The following CDK14 variants were observed in gnomAD, a reference collection of about 807,000 sequenced individuals.
The protein encoded by CDK14 is cyclin-dependent kinase 14.
A neutral mutation model predicts 60.7 loss-of-function variants in CDK14; 34 were observed. That is an observed-to-expected ratio of 0.56 (90% confidence interval 0.43 to 0.75). The LOEUF is 0.75. CDK14 is among the 30% of genes least tolerant of loss of function. The pLI is 0.00. For missense variants in CDK14, 482 were observed against 564.1 expected, an observed-to-expected ratio of 0.85 and a Z score of 1.47; for synonymous variants, 197 against 203.7, an observed-to-expected ratio of 0.97 and a Z score of 0.28.
intron 6 of CDK14, among the ~76,000 whole-genome samples, chr7:90,883,209 TAAA>T (rs993122341): frequency 6.6e-5 from 10 of 151,614 alleles, no homozygotes; most frequent in Admixed American, 6.6e-4. Context: ...GCTAGACTAA[TAAA>T]GAAGAAGAGG....
At chr7:90,796,700 C>G (rs1788449358) in intron 5 of CDK14, among the ~76,000 whole-genome samples, 1 of 152,038 alleles carries the variant, frequency 6.6e-6, no homozygotes, top group Admixed American at 6.6e-5. Flanking sequence ...TAGATTTCAA[C>G]AGGGTCATTA....
At chr7:91,196,960 C>T (rs950992855) in intron 14 of CDK14, among the ~76,000 whole-genome samples, 13 of 152,212 alleles carry the variant, frequency 8.5e-5, no homozygotes, top group African/African-American at 1.9e-4. Context: ...CATTTTAGTT[C>T]GTGTAATAAA....
At chr7:91,140,654 G>A (rs1800428218) in intron 14 of CDK14, among the ~76,000 whole-genome samples, 2 of 152,154 alleles carry the variant, frequency 1.3e-5, no homozygotes, top group African/African-American at 2.4e-5. Context: ...TGTGGCCTGG[G>A]CTGAGACTTA....
intron 10 of CDK14, among the ~76,000 whole-genome samples, chr7:90,997,787 C>T (rs962963051): frequency 3.9e-5 from 6 of 152,036 alleles, no homozygotes; most frequent in African/African-American, 1.2e-4. Context: ...GTGATATATG[C>T]ACATTTAATT....
At chr7:90,735,949 G>A (rs1379337261) in intron 3 of CDK14, among the ~76,000 whole-genome samples, 1 of 152,218 alleles carries the variant, frequency 6.6e-6, no homozygotes, top group Non-Finnish European at 1.5e-5. Flanking sequence ...CCAGGCCCTG[G>A]TGGCCTAGGC....
chr7:90,926,192 T>C (rs960809603), intron 8 of CDK14, among the ~76,000 whole-genome samples: 4 of 152,156 alleles, frequency 2.6e-5, no homozygotes, highest in Non-Finnish European at 4.4e-5. Context: ...GAGTGCTAAC[T>C]GGATGTTCAG....
intron 4 of CDK14, among the ~76,000 whole-genome samples, chr7:90,760,811 T>A (rs910216875): frequency 2.0e-5 from 3 of 152,216 alleles, no homozygotes; most frequent in Admixed American, 6.5e-5. Flanking sequence ...GTTCACAATA[T>A]GGGATTTTCC....
chr7:90,692,764 T>C (rs1276235041), intron 2 of CDK14: 1 of 620,234 alleles, frequency 1.6e-6, no homozygotes, highest in East Asian at 1.4e-4. Context: ...TTGTTATATT[T>C]GCTAAAATGG....
chr7:90,830,150 C>A (rs1789868327), intron 5 of CDK14, among the ~76,000 whole-genome samples: 1 of 152,170 alleles, frequency 6.6e-6, no homozygotes, highest in Admixed American at 6.5e-5. Flanking sequence ...TCTGCATCGC[C>A]CTAGTAGAGG....
intron 9 of CDK14, among the ~76,000 whole-genome samples, chr7:90,961,673 T>C (rs568766942): frequency 1.3e-5 from 2 of 152,334 alleles, no homozygotes; most frequent in Admixed American, 6.5e-5. Context: ...GCTCAAATAA[T>C]GCATGATCCA....
chr7:90,727,003 G>A (rs1802661325), intron 3 of CDK14, among the ~76,000 whole-genome samples, 191 bp downstream of exon 3: 1 of 152,116 alleles, frequency 6.6e-6, no homozygotes, highest in Non-Finnish European at 1.5e-5. Context: ...CACTAAGCAA[G>A]CAAATGAATG....
At chr7:90,672,401 G>A (rs1023507153) in intron 2 of CDK14, among the ~76,000 whole-genome samples, 14 of 149,300 alleles carry the variant, frequency 9.4e-5, no homozygotes, top group African/African-American at 3.5e-4. Flanking sequence ...AACACATGGA[G>A]TCATACAATT....
chr7:91,172,022 T>TC (rs1801537229), intron 14 of CDK14, among the ~76,000 whole-genome samples: 1 of 152,210 alleles, frequency 6.6e-6, no homozygotes, highest in Non-Finnish European at 1.5e-5. Context: ...TGATAGAGGA[T>TC]CAGTTGTGTG....
intron 13 of CDK14, among the ~76,000 whole-genome samples, chr7:91,116,150 C>T (rs557311174): frequency 9.4e-4 from 143 of 152,204 alleles, no homozygotes; most frequent in Non-Finnish European, 1.7e-3. Flanking sequence ...ACAGGGCATT[C>T]TCCTGCATAT....
chr7:90,879,964 C>G (rs1327655023), intron 6 of CDK14, among the ~76,000 whole-genome samples: 1 of 152,208 alleles, frequency 6.6e-6, no homozygotes, highest in Non-Finnish European at 1.5e-5. Flanking sequence ...GTGCAACCCA[C>G]CAATCGGAAG....
At chr7:90,834,181 G>A (rs1790013497) in intron 5 of CDK14, among the ~76,000 whole-genome samples, 1 of 152,114 alleles carries the variant, frequency 6.6e-6, no homozygotes, top group Non-Finnish European at 1.5e-5. Context: ...AGCAATTCGA[G>A]GAAATTATGT....
At chr7:90,692,354 G>A (rs1376378690) in intron 2 of CDK14, among the ~76,000 whole-genome samples, 1 of 152,132 alleles carries the variant, frequency 6.6e-6, no homozygotes, top group Admixed American at 6.6e-5. Flanking sequence ...GGATGGCTGT[G>A]TGTTTATTTC....
At chr7:90,886,996 T>C (rs1309967034) in intron 6 of CDK14, among the ~76,000 whole-genome samples, 3 of 152,178 alleles carry the variant, frequency 2.0e-5, no homozygotes, top group Non-Finnish European at 4.4e-5. Flanking sequence ...TGACATTTGC[T>C]CATAGGTACT....
intron 11 of CDK14, among the ~76,000 whole-genome samples, chr7:91,075,179 A>G (rs1433774371): frequency 6.6e-6 from 1 of 152,200 alleles, no homozygotes; most frequent in African/African-American, 2.4e-5. Flanking sequence ...CCAGGTGGAA[A>G]CACACACAAA....
Sources: gnomAD v4.1 joint callset for allele counts (sites outside exome capture counted in the v4.1 genomes callset) on GRCh38, gnomAD v4.1.1 for gene constraint, MANE v1.5 for transcripts, NCBI Gene and HGNC (gene_info 2026-07-23, HGNC 2026-07-21) for gene names.